STPG2: variants seen among roughly 807,000 people sequenced by gnomAD.
STPG2 encodes the protein sperm tail PG-rich repeat containing 2.
In STPG2, 56 loss-of-function variants were observed where a neutral mutation model predicts 54.2. The observed-to-expected ratio is 1.03, with a 90% CI of 0.83 to 1.29. The LOEUF (loss-of-function observed/expected upper bound fraction) is 1.29. STPG2 is among the 50% of genes most tolerant of loss of function. The pLI is 0.00. For synonymous variants in STPG2, 200 were observed against 181.8 expected (o/e 1.10, Z -0.81); for missense variants, 596 against 544.9 (o/e 1.09, Z -0.93).
chr4:97,454,593 T>A (rs1344894755), intron 4 of STPG2, among the ~76,000 whole-genome samples: 3 of 107,964 alleles, frequency 2.8e-5, no homozygotes, highest in Non-Finnish European at 6.2e-5. Context: ...ACTGGAATAA[T>A]CAGTTTTGTA....
At position 98,133,827 on chromosome 4, in the gene STPG2, A is replaced by G. The variant is rs74429670; in HGVS notation, c.222+520T>C. 4.4e-3 allele frequency among the ~76,000 whole-genome samples: 667 copies of G among 152,154 alleles called. 5 individuals carry two copies. The highest frequency in any genetic ancestry group is 0.015 in the African/African-American group (636 of 41,572). ...TACATATAAATGCAAAATTTATGTG[A>G]AAATGGCAAAAGGTGATACTCATGA... On this transcript the variant is annotated intron_variant, in intron 2 of 10. Coordinates refer to ENST00000295268, the MANE Select transcript of STPG2 (RefSeq NM_174952.3).
At chr4:97,912,107 C>T (rs1731703787) in intron 8 of STPG2, among the ~76,000 whole-genome samples, 2 of 151,798 alleles carry the variant, frequency 1.3e-5, no homozygotes, top group Admixed American at 6.6e-5. Flanking sequence ...AGAAGAGCGG[C>T]CTGTTAGAAG....
At chr4:97,555,400 C>T (rs896355749), downstream of STPG2, among the ~76,000 whole-genome samples, 1 of 152,062 alleles carries the variant, frequency 6.6e-6, no homozygotes, top group African/African-American at 2.4e-5. Context: ...CTCTCCTATA[C>T]TGGGTAATGT....
chr4:97,602,870 A>C (rs1733499981), intron 10 of STPG2, among the ~76,000 whole-genome samples: 1 of 151,798 alleles, frequency 6.6e-6, no homozygotes, highest in Non-Finnish European at 1.5e-5. Flanking sequence ...CAGAAAATGT[A>C]AATCATAAGG....
intron 4 of STPG2, among the ~76,000 whole-genome samples, chr4:97,470,714 CTTA>C (rs1729903924): frequency 6.6e-6 from 1 of 151,942 alleles, no homozygotes; most frequent in South Asian, 2.1e-4. Flanking sequence ...CTCAATATAT[CTTA>C]TTGTACTGTA....
intron 4 of STPG2, among the ~76,000 whole-genome samples, chr4:97,445,236 T>C (rs1320402757): frequency 6.6e-6 from 1 of 152,210 alleles, no homozygotes; most frequent in African/African-American, 2.4e-5. Flanking sequence ...GGACTATTTC[T>C]CTCTGCCATA....
At chr4:97,489,711 G>A (rs529891907) in intron 4 of STPG2, 7 of 151,648 alleles carry the variant, frequency 4.6e-5, no homozygotes, top group African/African-American at 9.7e-5. Flanking sequence ...TTTACCACTC[G>A]GGGTTTTCTC....
intron 5 of STPG2, 35 bp from the exon 6 acceptor site, chr4:97,981,353 G>A: frequency 1.2e-6 from 2 of 1,605,080 alleles, no homozygotes; most frequent in Non-Finnish European, 1.7e-6. Context: ...CAATAAGAAA[G>A]TATAGTACAT....
intron 10 of STPG2, among the ~76,000 whole-genome samples, chr4:97,666,226 C>T (rs960073728): frequency 1.3e-5 from 2 of 152,152 alleles, no homozygotes; most frequent in Admixed American, 1.3e-4. Context: ...TCCTGGCTCC[C>T]ATTGGCTCCA....
At chr4:98,022,997 G>C (rs913119918) in intron 5 of STPG2, among the ~76,000 whole-genome samples, 5 of 152,146 alleles carry the variant, frequency 3.3e-5, no homozygotes, top group Admixed American at 6.5e-5. Context: ...TTGATCTTCT[G>C]AAGCCTTCTT....
chr4:97,821,766 G>T (rs1440831189), intron 9 of STPG2, among the ~76,000 whole-genome samples: 1 of 152,184 alleles, frequency 6.6e-6, no homozygotes. Context: ...ACTACAGCCT[G>T]AGCTATACCT....
intron 5 of STPG2, among the ~76,000 whole-genome samples, chr4:98,001,884 C>T (rs1735424527): frequency 6.6e-6 from 1 of 152,094 alleles, no homozygotes; most frequent in South Asian, 2.1e-4. Flanking sequence ...TAAAAATACA[C>T]CTGTGGATTA....
chr4:97,463,833 A>G (rs980613595), intron 4 of STPG2, among the ~76,000 whole-genome samples: 2 of 152,158 alleles, frequency 1.3e-5, no homozygotes. Flanking sequence ...GTAACACCAT[A>G]TGTTTTTTCA....
intron 4 of STPG2, among the ~76,000 whole-genome samples, chr4:97,486,659 T>C (rs1187151875): frequency 6.6e-6 from 1 of 151,590 alleles, no homozygotes; most frequent in African/African-American, 2.4e-5. Flanking sequence ...AGCAATCCCA[T>C]GACTGAGTAT....
At chr4:98,039,116 G>A (rs1736863438) in intron 5 of STPG2, among the ~76,000 whole-genome samples, 3 of 151,956 alleles carry the variant, frequency 2.0e-5, no homozygotes. Flanking sequence ...ACCAGCAATT[G>A]CTGACTGGTT....
rs181700648 is a variant in STPG2 at position 97,540,187 on chromosome 4, G to C, written c.462+172512C>G. Among the ~76,000 whole-genome samples the C allele has an allele frequency of 1.3e-3, 197 of 152,142 alleles. 2 individuals are homozygous for C. The highest frequency in any genetic ancestry group is 8.2e-4 in the Non-Finnish European group (56 of 67,978). Reference sequence around the variant, plus strand: ...TTCAAAAAATCAATGAATCCAGGAGGTGGTTTTTTGAAAAGATCCACAAAA... The same window carrying C: ...TTCAAAAAATCAATGAATCCAGGAGCTGGTTTTTTGAAAAGATCCACAAAA... On this transcript the variant is annotated intron_variant, in intron 4 of 4. Transcript: ENST00000522676.
intron 1 of STPG2, among the ~76,000 whole-genome samples, chr4:98,138,246 G>C (rs1194201242): frequency 1.3e-5 from 2 of 152,092 alleles, no homozygotes; most frequent in Non-Finnish European, 2.9e-5. Flanking sequence ...ATATAGAAGA[G>C]TGTTCTGGGG....
intron 5 of STPG2, among the ~76,000 whole-genome samples, chr4:98,033,240 A>G (rs184020919): frequency 1.0e-3 from 152 of 152,300 alleles, no homozygotes; most frequent in African/African-American, 3.4e-3. Flanking sequence ...GAGAAGAATC[A>G]AATAGATGCA....
chr4:97,759,241 T>C (rs1264692730), intron 9 of STPG2, among the ~76,000 whole-genome samples: 1 of 152,102 alleles, frequency 6.6e-6, no homozygotes, highest in African/African-American at 2.4e-5. Flanking sequence ...CCACTAGCCT[T>C]TATTCTGAAC....
Sources: gnomAD v4.1 joint callset for allele counts (sites outside exome capture counted in the v4.1 genomes callset) on GRCh38, gnomAD v4.1.1 for gene constraint, MANE v1.5 for transcripts, NCBI Gene and HGNC (gene_info 2026-07-23, HGNC 2026-07-21) for gene names.